Variants in MED9 observed in about 807,000 individuals in gnomAD.
MED9 encodes the protein mediator complex subunit 9.
MED9 carries 8 observed loss-of-function variants against 13.2 expected under a neutral mutation model. The observed-to-expected ratio is 0.61, with a 90% CI of 0.36 to 1.10. The LOEUF is 1.10. Among genes scored for constraint, MED9 ranks in the 50% least tolerant of loss-of-function variants. The pLI is 0.02. For synonymous variants in MED9, 87 were observed against 82.8 expected (o/e 1.05, Z -0.28); for missense variants, 180 against 193.4 (o/e 0.93, Z 0.41).
At chr17:17,488,486 G>A (rs1290623777) in intron 1 of MED9, 1 of 152,240 alleles carries the variant, frequency 6.6e-6, no homozygotes, top group Admixed American at 6.5e-5. Flanking sequence ...GACGTGGGAA[G>A]GATGCTCAGA....
At chr17:17,487,418 AC>A (rs1905155090) in intron 1 of MED9, 1 of 164,312 alleles carries the variant, frequency 6.1e-6, no homozygotes, top group African/African-American at 2.4e-5. Flanking sequence ...TGTAACACTC[AC>A]CGCGAAGATC....
chr17:17,488,587 A>C (rs1334766896), intron 1 of MED9, among the ~76,000 whole-genome samples: 3 of 152,330 alleles, frequency 2.0e-5, no homozygotes, highest in East Asian at 1.9e-4. Flanking sequence ...TAATCCCAGC[A>C]CTTTGGGAGG....
At chr17:17,481,804 A>G (rs1905037203) in intron 1 of MED9, among the ~76,000 whole-genome samples, 1 of 152,230 alleles carries the variant, frequency 6.6e-6, no homozygotes, top group Non-Finnish European at 1.5e-5. Flanking sequence ...GATAAATCCC[A>G]GCAGTAGAAT....
intron 1 of MED9, chr17:17,485,375 G>A (rs1485566324): frequency 1.5e-5 from 6 of 398,318 alleles, no homozygotes; most frequent in East Asian, 3.6e-5. Flanking sequence ...GTGAGCCACC[G>A]GCCGCCATCT....
At chr17:17,478,126 A>C (rs1393523663) in intron 1 of MED9, among the ~76,000 whole-genome samples, 2 of 152,132 alleles carry the variant, frequency 1.3e-5, no homozygotes, top group Non-Finnish European at 2.9e-5. Flanking sequence ...CTCCCAAGTA[A>C]CCGGAACCAC....
intron 1 of MED9, among the ~76,000 whole-genome samples, chr17:17,481,091 G>A (rs1469029558): frequency 2.0e-5 from 3 of 152,188 alleles, no homozygotes; most frequent in Non-Finnish European, 4.4e-5. Flanking sequence ...GAGGTGGCTG[G>A]GGAGGAGGGA....
rs1299105510 is a variant in MED9, at chr17:17,492,499, AG to A, written c.*1005del. On this transcript the variant is annotated 3_prime_UTR_variant, in exon 2 of 2. Coordinates refer to ENST00000268711, the MANE Select transcript of MED9 (RefSeq NM_018019.3). Reference sequence around the variant, plus strand: ...CCAGTTCAGGTGGTCCCCAACCATAAGCTAGGTCTGAAAGTTACACAGCCAA... The same window carrying A: ...CCAGTTCAGGTGGTCCCCAACCATAACTAGGTCTGAAAGTTACACAGCCAA... 6.6e-6 allele frequency: 1 copy of A among 152,252 alleles called. No homozygotes were observed. The highest frequency in any genetic ancestry group is 2.4e-5 in the African/African-American group (1 of 41,466). The allele number at this position is 152,252 out of a possible 1,614,324, so 9.4% of individuals were successfully genotyped here.
chr17:17,477,213 A>T lies in MED9; in HGVS notation c.172A>T (p.Arg58Trp). The change falls in exon 1 of 2, where the codon AGG (arginine) becomes TGG (tryptophan). Residue 58 changes from arginine to tryptophan, a missense_variant. Coordinates refer to ENST00000268711, the MANE Select transcript of MED9 (RefSeq NM_018019.3). ...ACGGCCTCAGTCACCTGCCCGCGCG[A>T]GGGAGGAAGAGAACTACTCCTTTTT... ...APRPQSPARA[R>W]EEENYSFLPL... 1 of 1,610,452 alleles carries T rather than the reference A, an allele frequency of 6.2e-7. No individual in the cohort carries two copies.
At chr17:17,488,910 G>A (rs907506102) in intron 1 of MED9, among the ~76,000 whole-genome samples, 3 of 152,000 alleles carry the variant, frequency 2.0e-5, no homozygotes, top group South Asian at 2.1e-4. Context: ...TTGTTTGTAC[G>A]ATGTTCATCC....
At chr17:17,477,808 G>A (rs761811468) in intron 1 of MED9, 46 of 152,710 alleles carry the variant, frequency 3.0e-4, no homozygotes, top group Non-Finnish European at 5.0e-4. Context: ...ATTAGACTAA[G>A]CAGAAACACA....
chr17:17,489,687 A>G lies in MED9; in HGVS notation c.225-1592A>G, dbSNP rs76114395. On this transcript the variant is annotated intron_variant, in intron 1 of 1. Coordinates refer to ENST00000268711, the MANE Select transcript of MED9 (RefSeq NM_018019.3). ...TCCTTCCAAAGGATTTTTAGTTCTCATGAATACCAGTTCATCCTCTCTAGA... is the reference window on the plus strand; with the variant it reads ...TCCTTCCAAAGGATTTTTAGTTCTCGTGAATACCAGTTCATCCTCTCTAGA... Among the ~76,000 whole-genome samples, 327 of 152,344 alleles carry G rather than the reference A, an allele frequency of 2.1e-3. 4 individuals carry two copies. The highest frequency in any genetic ancestry group is 7.3e-3 in the African/African-American group (305 of 41,572).
intron 1 of MED9, chr17:17,485,270 CA>C (rs201356998): frequency 6.6e-5 from 26 of 394,902 alleles, no homozygotes; most frequent in South Asian, 3.8e-4. Context: ...TGTAAAAATA[CA>C]AAAAAAAATT....
chr17:17,486,428 G>A (rs376539135), intron 1 of MED9: 1 of 152,802 alleles, frequency 6.5e-6, no homozygotes, highest in African/African-American at 2.4e-5. Context: ...GCGTGGGCTT[G>A]GCAAGCCCCG....
chr17:17,480,268 C>A (rs889464817), intron 1 of MED9, among the ~76,000 whole-genome samples: 2 of 152,088 alleles, frequency 1.3e-5, no homozygotes, highest in African/African-American at 4.8e-5. Flanking sequence ...CTTCCCCCAC[C>A]TGGCTTCTAG....
intron 1 of MED9, among the ~76,000 whole-genome samples, chr17:17,479,544 T>G (rs916187226): frequency 3.4e-5 from 5 of 148,942 alleles, no homozygotes; most frequent in African/African-American, 9.9e-5. Context: ...GCATAAAACC[T>G]TCAGACATGG....
At chr17:17,489,858 C>T (rs560013483) in intron 1 of MED9, among the ~76,000 whole-genome samples, 1 of 152,312 alleles carries the variant, frequency 6.6e-6, no homozygotes, top group Admixed American at 6.5e-5. Flanking sequence ...GCCATGGTGG[C>T]CATCTGATTT....
chr17:17,478,712 C>G (rs1365134420), intron 1 of MED9, among the ~76,000 whole-genome samples: 1 of 152,088 alleles, frequency 6.6e-6, no homozygotes, highest in Non-Finnish European at 1.5e-5. Flanking sequence ...CAAAAATTAG[C>G]CGGGTGTGGT....
rs780864550 is a variant in MED9, at chr17:17,477,167, A to G, written c.126A>G (p.Gln42=). The G allele has an allele frequency of 6.2e-6, 10 of 1,609,652 alleles. 1 individual carries two copies. Among genetic ancestry groups the G allele is most frequent in the Middle Eastern group, 1.7e-4 (1 of 5,932 alleles). The change falls in exon 1 of 2, where the codon CAA becomes CAG. Residue 42 remains glutamine (Q), a synonymous_variant. Coordinates refer to ENST00000268711, the MANE Select transcript of MED9 (RefSeq NM_018019.3). The part of the protein sequence containing the change: ...PPQPPPVPAP[Q]PQQSPAPRPQ... ...AGCCGCCGCCGGTCCCTGCGCCTCA[A>G]CCGCAGCAGTCGCCGGCGCCACGGC...
At chr17:17,485,996 A>T (rs112557175) in intron 1 of MED9, 2 of 152,336 alleles carry the variant, frequency 1.3e-5, no homozygotes, top group African/African-American at 4.8e-5. Context: ...AGTAGCCAGT[A>T]TCATCCAGGG....
Sources: gnomAD v4.1 joint callset for allele counts (sites outside exome capture counted in the v4.1 genomes callset) on GRCh38, gnomAD v4.1.1 for gene constraint, MANE v1.5 for transcripts, NCBI Gene and HGNC (gene_info 2026-07-23, HGNC 2026-07-21) for gene names.